The following MTMR10 variants were observed in gnomAD, a reference collection of about 807,000 sequenced individuals.
MTMR10 encodes the protein myotubularin related protein 10.
In MTMR10, 56 loss-of-function variants were observed where a neutral mutation model predicts 88.1. The ratio of observed to expected loss-of-function variants is 0.64; its 90% CI spans 0.51 to 0.79. The LOEUF (loss-of-function observed/expected upper bound fraction) is 0.79. Ranked by LOEUF, MTMR10 falls within the 30% of genes least tolerant of loss-of-function variation. The pLI is 0.00. For missense variants in MTMR10, 883 were observed against 924.7 expected (o/e 0.95, Z 0.58); for synonymous variants, 380 against 340.9 (o/e 1.11, Z -1.26).
chr15:30,931,556 A>G, the MTMR10 span, among the ~76,000 whole-genome samples: 2 of 152,176 alleles, frequency 1.3e-5, no homozygotes, highest in African/African-American at 4.8e-5. Flanking sequence ...TTATAGTTTT[A>G]GGTTTTACAT....
At chr15:30,957,707 A>G (rs1252251344) in intron 9 of MTMR10, among the ~76,000 whole-genome samples, 1 of 151,976 alleles carries the variant, frequency 6.6e-6, no homozygotes, top group Non-Finnish European at 1.5e-5. Context: ...CTCTGTCTCA[A>G]AAAAAAAGAA....
the MTMR10 span, among the ~76,000 whole-genome samples, chr15:30,923,838 G>T: frequency 2.0e-5 from 3 of 151,602 alleles, no homozygotes; most frequent in African/African-American, 7.3e-5. Flanking sequence ...TGTTTCTATT[G>T]TGGTAAAATA....
the MTMR10 span, chr15:30,929,240 CA>C: frequency 2.5e-6 from 4 of 1,613,520 alleles, no homozygotes; most frequent in Non-Finnish European, 3.4e-6. Context: ...AGCTTCTTCA[CA>C]AGCAGACGCC....
At chr15:30,988,786 C>T (rs1353145375) in intron 2 of MTMR10, among the ~76,000 whole-genome samples, 4 of 152,062 alleles carry the variant, frequency 2.6e-5, no homozygotes, top group African/African-American at 2.4e-5. Context: ...GGCAGGAGTT[C>T]AAGACCAGCC....
chr15:30,930,598 C>T, the MTMR10 span: 9 of 1,612,972 alleles, frequency 5.6e-6, no homozygotes, highest in Non-Finnish European at 7.6e-6. Flanking sequence ...AGGCACCTGG[C>T]TGCTGACTTT....
chr15:30,943,846 A>G (rs1159788241), intron 14 of MTMR10: 2 of 985,332 alleles, frequency 2.0e-6, no homozygotes, highest in Non-Finnish European at 2.4e-6. Context: ...GCACAGTCAC[A>G]TTTAGCAATG....
chr15:30,956,900 C>T (rs2063335163), intron 9 of MTMR10, among the ~76,000 whole-genome samples: 1 of 152,194 alleles, frequency 6.6e-6, no homozygotes, highest in African/African-American at 2.4e-5. Context: ...GAGTATGACA[C>T]AGCAGACAGT....
intron 2 of MTMR10, 31 bp downstream of exon 2, chr15:30,990,746 A>G (rs2031260487): frequency 1.3e-6 from 2 of 1,581,534 alleles, no homozygotes; most frequent in Non-Finnish European, 8.6e-7. Flanking sequence ...ACGTTGCTAA[A>G]GTATCTGTTA....
At chr15:30,957,814 T>G (rs2063348213) in intron 9 of MTMR10, among the ~76,000 whole-genome samples, 1 of 151,856 alleles carries the variant, frequency 6.6e-6, no homozygotes, top group South Asian at 2.1e-4. Flanking sequence ...GTCAGGAGGT[T>G]GAAAACACCA....
chr15:30,948,761 A>G, intron 12 of MTMR10: 1 of 456,478 alleles, frequency 2.2e-6, no homozygotes, highest in South Asian at 2.5e-5. Context: ...AAATCCGTCT[A>G]GACTCCATTC....
At chr15:30,976,719 C>T (rs144377736) in intron 3 of MTMR10, 100 bp downstream of exon 3, 2 of 1,313,438 alleles carry the variant, frequency 1.5e-6, no homozygotes, top group Non-Finnish European at 2.1e-6. Context: ...TTACCTAATA[C>T]TTCTACTATA....
intron 14 of MTMR10, among the ~76,000 whole-genome samples, chr15:30,945,880 C>T (rs934470283): frequency 1.3e-5 from 2 of 152,220 alleles, no homozygotes; most frequent in Admixed American, 6.5e-5. Flanking sequence ...TCTCTGCCTC[C>T]TGGGCTTAAG....
At chr15:30,968,590 G>A (rs1425826975) in intron 5 of MTMR10, among the ~76,000 whole-genome samples, 1 of 142,576 alleles carries the variant, frequency 7.0e-6, no homozygotes, top group Non-Finnish European at 1.5e-5. Context: ...CTGTGTTTAA[G>A]TAAAATGGTT....
chr15:30,941,109 T>G lies in MTMR10; in HGVS notation c.*361A>C. 1 of 1,240,416 alleles carries G rather than the reference T, an allele frequency of 8.1e-7. No homozygotes were observed. Among genetic ancestry groups the G allele is most frequent in the Non-Finnish European group, 1.0e-6 (1 of 968,698 alleles). 76.8% of individuals were successfully genotyped at this position (1,240,416 alleles called of 1,614,324 possible). ...CCTAAAAATGACACGAAACACAAAT[T>G]TCCTAACTTTCCTGTTGTCTGCTGC... On this transcript the variant is annotated 3_prime_UTR_variant, in exon 16 of 16. Transcript: ENST00000435680.
At chr15:30,984,136 A>AGTAC (rs2030779216) in intron 2 of MTMR10, among the ~76,000 whole-genome samples, 1 of 152,232 alleles carries the variant, frequency 6.6e-6, no homozygotes, top group African/African-American at 2.4e-5. Flanking sequence ...GAAGTCAGTG[A>AGTAC]GGTACAGTGT....
At chr15:30,955,511 T>C (rs548047894) in intron 9 of MTMR10, among the ~76,000 whole-genome samples, 445 of 152,188 alleles carry the variant, frequency 2.9e-3, no homozygotes, top group African/African-American at 9.3e-3. Context: ...ACCTTGTGAT[T>C]CACCCCCCTT....
intron 6 of MTMR10, among the ~76,000 whole-genome samples, chr15:30,961,778 T>C (rs985409700): frequency 1.3e-5 from 2 of 152,232 alleles, no homozygotes; most frequent in Non-Finnish European, 2.9e-5. Context: ...GGCTGCTGCC[T>C]AGATTTCCTC....
chr15:30,941,435 C>G lies in MTMR10; in HGVS notation c.*35G>C, dbSNP rs963713764. 1.3e-6 allele frequency: 2 copies of G among 1,570,634 alleles called. No homozygotes were observed. Among genetic ancestry groups the G allele is most frequent in the Non-Finnish European group, 1.7e-6 (2 of 1,160,542 alleles). ...TGTTAATTCAGAGGAAAAAAGTTGA[C>G]AGCTTCCCTCAAAATGTTCAGAAAA... On this transcript the variant is annotated 3_prime_UTR_variant, in exon 16 of 16. Transcript: ENST00000435680.
chr15:30,982,513 G>A (rs970121515), intron 2 of MTMR10, among the ~76,000 whole-genome samples: 2 of 151,902 alleles, frequency 1.3e-5, no homozygotes, highest in Non-Finnish European at 2.9e-5. Flanking sequence ...GAAAAAAAAA[G>A]TGAAAGAAGG....
Sources: allele counts gnomAD v4.1 joint callset (sites outside exome capture counted in the v4.1 genomes callset), GRCh38; gene constraint gnomAD v4.1.1; transcripts MANE v1.5; gene names NCBI Gene and HGNC (gene_info 2026-07-23, HGNC 2026-07-21).